Variants in SERPINA5 observed in about 807,000 individuals in gnomAD.
SERPINA5 encodes serpin family A member 5.
SERPINA5 carries 25 observed loss-of-function variants against 25.3 expected under a neutral mutation model. The ratio of observed to expected loss-of-function variants is 0.99; its 90% confidence interval spans 0.72 to 1.38. SERPINA5 has a LOEUF of 1.38. SERPINA5 is among the 40% of genes most tolerant of loss of function. The pLI is 0.00. For missense variants in SERPINA5, 599 were observed against 509.5 expected (o/e 1.18, Z -1.69); for synonymous variants, 234 against 206.2 (o/e 1.14, Z -1.16).
chr14:94,590,683 C>G, intron 4 of SERPINA5, 66 bp from the exon 5 acceptor site: 1 of 1,531,092 alleles, frequency 6.5e-7, no homozygotes, highest in South Asian at 1.2e-5. Context: ...ATTATGAATC[C>G]AAGGGGTGAG....
In SERPINA5 at chr14:94,587,932, C is replaced by A. The variant is rs765927921; in HGVS notation, c.570C>A (p.Asn190Lys). 6.2e-7 allele frequency: 1 copy of A among 1,614,244 alleles called. No individual in the cohort carries two copies. The highest frequency in any genetic ancestry group is 1.6e-4 in the Middle Eastern group (1 of 6,062). ...GCAAGATTGTGGACTTGCTTAAGAA[C>A]CTCGATAGCAATGCGGTCGTGATCA... is the stretch of plus-strand genomic sequence containing the variant. ...TKGKIVDLLK[N>K]LDSNAVVIMV... The change falls in exon 3 of 6, where the codon AAC becomes AAA. Residue 190 changes from asparagine to lysine, a missense_variant. Transcript: ENST00000329597.
rs1005665498 is a variant in SERPINA5, at chr14:94,584,556, G to T, written c.-17-2790G>T. On this transcript the variant is annotated intron_variant, in intron 2 of 5. Coordinates refer to ENST00000329597, the MANE Select transcript of SERPINA5 (RefSeq NM_000624.6). Reference sequence around the variant, plus strand: ...TCGGATCTCTAGTGCTTGGCAGGGGGCGGGGTCTTGAGGGGGTGTCCACAA... The same window carrying T: ...TCGGATCTCTAGTGCTTGGCAGGGGTCGGGGTCTTGAGGGGGTGTCCACAA... 4.6e-5 allele frequency among the ~76,000 whole-genome samples: 7 copies of T among 152,120 alleles called. 1 individual carries two copies. The highest frequency in any genetic ancestry group is 1.7e-4 in the African/African-American group (7 of 41,410).
chr14:94,590,825 A>T lies in SERPINA5; in HGVS notation c.967A>T (p.Ile323Phe). 8.1e-6 allele frequency: 13 copies of T among 1,614,042 alleles called. No homozygotes were observed. Among genetic ancestry groups the T allele is most frequent in the Non-Finnish European group, 1.1e-5 (13 of 1,179,972 alleles). ...QLEKVLPSLG[I>F]SNVFTSHADL... ...GGAGAAAGTCCTCCCCAGTCTGGGG[A>T]TCAGTAACGTCTTCACCTCCCATGC... Residue 323 changes from isoleucine (I) to phenylalanine (F), a missense_variant, in exon 5 of 6, where the codon ATC becomes TTC. Coordinates refer to ENST00000329597, the MANE Select transcript of SERPINA5 (RefSeq NM_000624.6).
chr14:94,589,435 G>A (rs138161244), intron 3 of SERPINA5, among the ~76,000 whole-genome samples: 39 of 151,030 alleles, frequency 2.6e-4, no homozygotes, highest in African/African-American at 9.0e-4. Context: ...GTCACAGAGC[G>A]AGACTCCATC....
chr14:94,587,362 C>T lies in SERPINA5; in HGVS notation c.-1C>T, dbSNP rs902117384. The T allele has an allele frequency of 1.2e-6, 2 of 1,600,948 alleles. No homozygotes were observed. Among genetic ancestry groups the T allele is most frequent in the South Asian group, 1.1e-5 (1 of 89,042 alleles). ...CCCTTTCAGAACAAAGAACAGCCAC[C>T]ATGCAGCTCTTCCTCCTCTTGTGCC... On this transcript the variant is annotated 5_prime_UTR_variant, in exon 3 of 6. Coordinates refer to ENST00000329597, the MANE Select transcript of SERPINA5 (RefSeq NM_000624.6).
intron 5 of SERPINA5, 46 bp downstream of exon 5, chr14:94,590,942 G>A: frequency 6.4e-7 from 1 of 1,552,498 alleles, no homozygotes; most frequent in Non-Finnish European, 8.7e-7. Flanking sequence ...GGTCTATTCT[G>A]TTCTATTCTT....
chr14:94,584,728 G>C (rs980726395), intron 2 of SERPINA5, among the ~76,000 whole-genome samples: 1 of 152,166 alleles, frequency 6.6e-6, no homozygotes, highest in African/African-American at 2.4e-5. Context: ...TATCCAATAA[G>C]GAAACTCCCC....
intron 4 of SERPINA5, 38 bp from the exon 5 acceptor site, chr14:94,590,711 C>T: frequency 6.2e-7 from 1 of 1,602,902 alleles, no homozygotes; most frequent in Non-Finnish European, 8.5e-7. Context: ...GTGCCAATGC[C>T]CCAGAACAGT....
chr14:94,591,327 A>C (rs1473390734), intron 5 of SERPINA5, among the ~76,000 whole-genome samples: 9 of 71,614 alleles, frequency 1.3e-4, no homozygotes, highest in South Asian at 4.2e-4. Context: ...CTTCCATTCC[A>C]CTCCATTCCA....
intron 5 of SERPINA5, 83 bp downstream of exon 5, chr14:94,590,979 C>T: frequency 7.3e-7 from 1 of 1,365,678 alleles, no homozygotes; most frequent in Non-Finnish European, 9.9e-7. Context: ...CCATTTCATT[C>T]CATTCCATTC....
chr14:94,589,115 A>G (rs1413113572), intron 3 of SERPINA5, among the ~76,000 whole-genome samples: 1 of 152,206 alleles, frequency 6.6e-6, no homozygotes, highest in African/African-American at 2.4e-5. Flanking sequence ...TAAGCTAAGG[A>G]CGGTATTGAC....
Position 94,592,110 on chromosome 14 carries a change from AG to A in SERPINA5, c.1093del (p.Ala365ProfsTer13), listed in dbSNP as rs1162684705. ...ACGAGTCGGGAACCAGAGCAGCGGC[AG>A]CCACGGGGACAATATTCACTTTCAG... The part of the protein sequence containing the change: ...VDESGTRAAA[A>X]TGTIFTFRSA... On this transcript the variant is annotated frameshift_variant, in exon 6 of 6. Coordinates refer to ENST00000329597, the MANE Select transcript of SERPINA5 (RefSeq NM_000624.6). LOFTEE classifies it low-confidence loss of function (END_TRUNC). The A allele has an allele frequency of 6.2e-7, 1 of 1,614,132 alleles. No homozygotes were observed. The highest frequency in any genetic ancestry group is 1.7e-5 in the Admixed American group (1 of 60,026).
rs377136799 is a variant in SERPINA5, at chr14:94,587,594, A to G, written c.232A>G (p.Met78Val). Reference protein sequence around the residue: ...SPVSISMSLAMLSLGAGSSTK... With the variant: ...SPVSISMSLAVLSLGAGSSTK... The stretch of plus-strand genomic sequence containing the variant: ...TGTGAGCATCTCCATGAGCCTGGCC[A>G]TGCTCTCCCTGGGGGCTGGGTCCAG... Residue 78 changes from methionine to valine, a missense_variant, in exon 3 of 6, where the codon ATG (methionine) becomes GTG (valine). Physicochemically the swap from Met to Val is conservative, Grantham distance 21. Coordinates refer to ENST00000329597, the MANE Select transcript of SERPINA5 (RefSeq NM_000624.6). 7 of 1,614,048 alleles carry G rather than the reference A, an allele frequency of 4.3e-6. No individual in the cohort carries two copies. Among genetic ancestry groups the G allele is most frequent in the Non-Finnish European group, 5.9e-6 (7 of 1,179,960 alleles).
intron 2 of SERPINA5, among the ~76,000 whole-genome samples, chr14:94,584,376 T>C (rs1490652189): frequency 1.3e-5 from 2 of 152,148 alleles, no homozygotes; most frequent in Admixed American, 6.5e-5. Context: ...TAATAATTAG[T>C]GGTTTTACTG....
rs566796264 is a variant in SERPINA5 at position 94,590,022 on chromosome 14, T to C, written c.620-19T>C. On this transcript the variant is annotated intron_variant, in intron 3 of 5. Transcript: ENST00000329597. ...CTGACACAAAATTCTTTTTCATTTT[T>C]CCCTTTTTTCATCTTTAGCTAAGTG... 39 of 1,557,310 alleles carry C rather than the reference T, an allele frequency of 2.5e-5. No individual in the cohort carries two copies. In the South Asian group the frequency reaches 4.3e-4, roughly 17 times the overall value.
Position 94,590,887 on chromosome 14 carries a change from G to A in SERPINA5, c.1029G>A (p.Gln343=), listed in dbSNP as rs184089664. The change falls in exon 5 of 6, where the codon CAG becomes CAA. Residue 343 remains glutamine (Q), a synonymous_variant. Transcript: ENST00000329597. ...GCATCAGCAACCACTCAAATATCCAGGTGTCTGAGGTGGGTTCAGAAGCTC... is the reference window on the plus strand; with the variant it reads ...GCATCAGCAACCACTCAAATATCCAAGTGTCTGAGGTGGGTTCAGAAGCTC... ...LSGISNHSNI[Q]VSEMVHKAVV... 18 of 1,609,856 alleles carry A rather than the reference G, an allele frequency of 1.1e-5. No individual in the cohort carries two copies. In the African/African-American group the frequency reaches 2.1e-4, roughly 19 times the overall value.
rs144902168 is a variant in SERPINA5 at position 94,587,938 on chromosome 14, T to C, written c.576T>C (p.Asp192=). ...TTGTGGACTTGCTTAAGAACCTCGA[T>C]AGCAATGCGGTCGTGATCATGGTGA... The part of the protein sequence containing the change: ...GKIVDLLKNL[D]SNAVVIMVNY... Residue 192 remains aspartate, a synonymous_variant, in exon 3 of 6, where the codon GAT becomes GAC. Transcript: ENST00000329597. 10 of 1,614,244 alleles carry C rather than the reference T, an allele frequency of 6.2e-6. No homozygotes were observed. In the East Asian group the frequency reaches 1.8e-4, roughly 29 times the overall value.
In SERPINA5 at chr14:94,587,494, C is replaced by A. The variant is rs774073849; in HGVS notation, c.132C>A (p.Ser44Arg). Residue 44 changes from serine to arginine, a missense_variant, in exon 3 of 6, where the codon AGC becomes AGA. Physicochemically the swap from Ser to Arg is moderately radical, Grantham distance 110. Transcript: ENST00000329597. ...TAGGTGCCACGGTGGCCCCCAGCAG[C>A]AGAAGGGACTTTACCTTTGACCTCT... ...LHVGATVAPS[S>R]RRDFTFDLYR... 3 of 1,614,220 alleles carry A rather than the reference C, an allele frequency of 1.9e-6. No individual in the cohort carries two copies. Among genetic ancestry groups the A allele is most frequent in the Non-Finnish European group, 2.5e-6 (3 of 1,180,034 alleles).
At chr14:94,585,658 G>A (rs1885049497) in intron 2 of SERPINA5, among the ~76,000 whole-genome samples, 2 of 152,312 alleles carry the variant, frequency 1.3e-5, no homozygotes, top group Admixed American at 6.5e-5. Context: ...GAGCCCAGCA[G>A]AAAGGGATTC....
Sources: allele counts gnomAD v4.1 joint callset (sites outside exome capture counted in the v4.1 genomes callset), GRCh38; gene constraint gnomAD v4.1.1; transcripts MANE v1.5; gene names NCBI Gene and HGNC (gene_info 2026-07-23, HGNC 2026-07-21).